Variants in CTNNA3 observed in about 807,000 individuals in gnomAD.
CTNNA3 encodes catenin alpha 3, also known as catenin alpha-3.
A neutral mutation model predicts 95.7 loss-of-function variants in CTNNA3; 76 were observed. The observed-to-expected ratio is 0.79, with a 90% CI of 0.66 to 0.96. The LOEUF (loss-of-function observed/expected upper bound fraction) is 0.96, where lower values mean the gene tolerates loss of function less well. Ranked by LOEUF, CTNNA3 falls within the 40% of genes least tolerant of loss-of-function variation. CTNNA3 has a pLI of 0.00. For missense variants in CTNNA3, 1,191 were observed against 1,089.8 expected (o/e 1.09, Z -1.31); for synonymous variants, 431 against 374.4 (o/e 1.15, Z -1.74).
chr10:65,950,575 C>T (rs10996787), intron 17 of CTNNA3, among the ~76,000 whole-genome samples: 4,958 of 152,164 alleles, frequency 0.033, 97 homozygotes, highest in Middle Eastern at 0.078. Flanking sequence ...ACTTTCATGG[C>T]CTCTCATTTC....
At chr10:66,141,265 TA>T (rs60266091) in intron 13 of CTNNA3, among the ~76,000 whole-genome samples, 637 of 135,274 alleles carry the variant, frequency 4.7e-3, no homozygotes, top group Admixed American at 4.4e-3. Flanking sequence ...TGTCTCAGAT[TA>T]AAAAAAAAAA....
At position 67,676,932 on chromosome 10, in the gene CTNNA3, GGTCTTTGGTGTTCTTTC is replaced by G. The variant is rs763602512; in HGVS notation, c.-6+19051_-6+19067del. Reference sequence around the variant, plus strand: ...GCCACAAGGGGGGTTCTAGTTTAAGGGTCTTTGGTGTTCTTTCTCACTAGCAAATTTTAGTCAGTACT... The same window carrying G: ...GCCACAAGGGGGGTTCTAGTTTAAGGTCACTAGCAAATTTTAGTCAGTACT... On this transcript the variant is annotated intron_variant, in intron 1 of 17. Transcript: ENST00000433211. Among the ~76,000 whole-genome samples, 563 of 152,162 alleles carry G rather than the reference GGTCTTTGGTGTTCTTTC, an allele frequency of 3.7e-3. 1 individual carries two copies. Among genetic ancestry groups the G allele is most frequent in the Middle Eastern group, 0.017 (5 of 294 alleles).
chr10:67,505,047 CTGATT>C, intron 5 of CTNNA3, among the ~76,000 whole-genome samples: 1 of 152,190 alleles, frequency 6.6e-6, no homozygotes. Context: ...AACTTCCTGT[CTGATT>C]TTTTTCTTAA....
At chr10:66,018,042 T>C (rs2079128263) in intron 15 of CTNNA3, among the ~76,000 whole-genome samples, 1 of 152,080 alleles carries the variant, frequency 6.6e-6, no homozygotes, top group Non-Finnish European at 1.5e-5. Context: ...TGATTGGTCC[T>C]ATAGAGGTCT....
intron 10 of CTNNA3, among the ~76,000 whole-genome samples, chr10:66,564,642 G>T (rs991987): frequency 0.8 from 121,130 of 152,094 alleles, 49,259 homozygotes; most frequent in Non-Finnish European, 0.89. Flanking sequence ...TGAAAAGCAC[G>T]GACTCTTTCA....
intron 17 of CTNNA3, among the ~76,000 whole-genome samples, chr10:65,946,156 G>C (rs1332859628): frequency 6.6e-6 from 1 of 152,062 alleles, no homozygotes. Flanking sequence ...AATAATAATA[G>C]CTATTCCATG....
chr10:67,034,582 C>T (rs1027473795), intron 7 of CTNNA3, among the ~76,000 whole-genome samples: 1 of 152,116 alleles, frequency 6.6e-6, no homozygotes, highest in Non-Finnish European at 1.5e-5. Context: ...TCCTTCAATG[C>T]CATCATCCAA....
At chr10:66,571,488 G>A (rs952669152) in intron 10 of CTNNA3, among the ~76,000 whole-genome samples, 4 of 152,140 alleles carry the variant, frequency 2.6e-5, no homozygotes, top group African/African-American at 4.8e-5. Flanking sequence ...AGAGTTAAGT[G>A]GCTTACTCAA....
At chr10:66,994,925 C>A (rs1333549672) in intron 7 of CTNNA3, among the ~76,000 whole-genome samples, 2 of 152,172 alleles carry the variant, frequency 1.3e-5, no homozygotes, top group Non-Finnish European at 2.9e-5. Context: ...AACATGGGCT[C>A]AGCTAATACC....
At chr10:66,227,753 C>T (rs1585601) in intron 13 of CTNNA3, among the ~76,000 whole-genome samples, 54,189 of 151,890 alleles carry the variant, frequency 0.36, 10,079 homozygotes, top group East Asian at 0.46. Context: ...GATTTTAGTT[C>T]TTTAAAAATT....
At chr10:65,989,797 T>C (rs1198899070) in intron 15 of CTNNA3, among the ~76,000 whole-genome samples, 1 of 152,104 alleles carries the variant, frequency 6.6e-6, no homozygotes. Flanking sequence ...TACTCAACTA[T>C]TGAATATTTG....
At chr10:66,793,267 G>C (rs1250762429) in intron 7 of CTNNA3, among the ~76,000 whole-genome samples, 1 of 151,956 alleles carries the variant, frequency 6.6e-6, no homozygotes, top group Non-Finnish European at 1.5e-5. Flanking sequence ...TTAGCCTCCT[G>C]AGTAGCTGGG....
chr10:66,762,691 C>A (rs76589281), intron 9 of CTNNA3, among the ~76,000 whole-genome samples: 3,479 of 151,952 alleles, frequency 0.023, 53 homozygotes, highest in Non-Finnish European at 0.036. Context: ...CCCAGAACTT[C>A]TTGTTTTTCA....
At chr10:66,605,664 A>G (rs1844094457) in intron 10 of CTNNA3, among the ~76,000 whole-genome samples, 1 of 152,174 alleles carries the variant, frequency 6.6e-6, no homozygotes, top group African/African-American at 2.4e-5. Flanking sequence ...CGACATTCTT[A>G]TAGAAAGGAA....
chr10:66,564,964 T>A (rs1409987376), intron 10 of CTNNA3, among the ~76,000 whole-genome samples: 6 of 152,180 alleles, frequency 3.9e-5, no homozygotes, highest in African/African-American at 1.2e-4. Flanking sequence ...CTTTGGCTAT[T>A]TCCACTGGGC....
At chr10:67,626,607 A>G (rs537999209) in intron 2 of CTNNA3, among the ~76,000 whole-genome samples, 22 of 152,298 alleles carry the variant, frequency 1.4e-4, no homozygotes, top group Non-Finnish European at 2.6e-4. Context: ...AACCACAACA[A>G]AAAGGTACCA....
intron 17 of CTNNA3, among the ~76,000 whole-genome samples, chr10:65,961,243 C>T (rs933666181): frequency 6.6e-6 from 1 of 152,102 alleles, no homozygotes; most frequent in East Asian, 1.9e-4. Flanking sequence ...CTTTCAACTT[C>T]AAACTTTTGG....
At chr10:67,264,735 TTAGAGA>T (rs1173449462) in intron 5 of CTNNA3, among the ~76,000 whole-genome samples, 5 of 152,264 alleles carry the variant, frequency 3.3e-5, no homozygotes, top group African/African-American at 1.2e-4. Context: ...TCATGAAATG[TTAGAGA>T]TAGAGGTTCA....
At chr10:66,469,074 A>G (rs918151111) in intron 11 of CTNNA3, among the ~76,000 whole-genome samples, 2 of 151,968 alleles carry the variant, frequency 1.3e-5, no homozygotes, top group African/African-American at 4.8e-5. Context: ...GGCATCTATT[A>G]ATTCATTTAA....
Sources: gnomAD v4.1 joint callset for allele counts (sites outside exome capture counted in the v4.1 genomes callset) on GRCh38, gnomAD v4.1.1 for gene constraint, MANE v1.5 for transcripts, NCBI Gene and HGNC (gene_info 2026-07-23, HGNC 2026-07-21) for gene names.